TNR: variants seen among roughly 807,000 people sequenced by gnomAD.
TNR encodes the protein tenascin-R.
TNR carries 45 observed loss-of-function variants against 150.4 expected under a neutral mutation model. That is an observed-to-expected ratio of 0.30 (90% CI 0.24 to 0.38). The LOEUF (loss-of-function observed/expected upper bound fraction) is 0.38, where lower values mean the gene tolerates loss of function less well. Among genes scored for constraint, TNR ranks in the 10% least tolerant of loss-of-function variants. TNR has a pLI of 1.00. For synonymous variants in TNR, 687 were observed against 678.4 expected, an observed-to-expected ratio of 1.01 and a Z score of -0.20; for missense variants, 1,544 against 1,759.1, an observed-to-expected ratio of 0.88 and a Z score of 2.19.
At chr1:175,712,308 G>A (rs1195072189) in intron 1 of TNR, among the ~76,000 whole-genome samples, 1 of 152,140 alleles carries the variant, frequency 6.6e-6, no homozygotes, top group East Asian at 1.9e-4. Context: ...AAAAAATTGA[G>A]AATAACACCA....
At chr1:175,730,468 T>C (rs1457989673) in intron 1 of TNR, among the ~76,000 whole-genome samples, 1 of 152,206 alleles carries the variant, frequency 6.6e-6, no homozygotes, top group Non-Finnish European at 1.5e-5. Context: ...CAGGGAACCA[T>C]CTGTCACTCA....
intron 2 of TNR, among the ~76,000 whole-genome samples, chr1:175,478,143 T>A (rs1476033007): frequency 1.3e-5 from 2 of 152,210 alleles, no homozygotes; most frequent in Admixed American, 1.3e-4. Flanking sequence ...ATTGCTCTCT[T>A]GGATTTTTCA....
chr1:175,331,077 C>CTTTT (rs61033216), intron 20 of TNR, among the ~76,000 whole-genome samples: 2 of 94,186 alleles, frequency 2.1e-5, no homozygotes, highest in African/African-American at 3.7e-5. Context: ...TTCTTTCTTT[C>CTTTT]CTTCTTTCTT....
At chr1:175,379,139 A>C (rs1191393496) in intron 9 of TNR, among the ~76,000 whole-genome samples, 2 of 148,890 alleles carry the variant, frequency 1.3e-5, no homozygotes, top group African/African-American at 5.0e-5. Flanking sequence ...AGATCACACC[A>C]CTGCACTCCA....
intron 1 of TNR, among the ~76,000 whole-genome samples, chr1:175,540,931 C>A (rs1660478142): frequency 6.6e-6 from 1 of 152,078 alleles, no homozygotes; most frequent in Admixed American, 6.5e-5. Flanking sequence ...CAACCTGACC[C>A]CACTTATTTC....
intron 1 of TNR, among the ~76,000 whole-genome samples, chr1:175,633,363 G>C (rs946393993): frequency 6.6e-6 from 1 of 151,926 alleles, no homozygotes; most frequent in African/African-American, 2.4e-5. Context: ...CCCCCTTTGA[G>C]AGCCTATGTG....
chr1:175,584,809 G>C (rs571324761), intron 1 of TNR, among the ~76,000 whole-genome samples: 1 of 152,248 alleles, frequency 6.6e-6, no homozygotes, highest in African/African-American at 2.4e-5. Context: ...AAAAAGTTTG[G>C]TTTAATTTAT....
intron 1 of TNR, among the ~76,000 whole-genome samples, chr1:175,645,242 A>G (rs1042655942): frequency 3.9e-5 from 6 of 152,238 alleles, no homozygotes; most frequent in African/African-American, 1.2e-4. Flanking sequence ...TAAAACACAT[A>G]TATACATTAA....
At chr1:175,632,244 T>A (rs1558046196) in intron 1 of TNR, among the ~76,000 whole-genome samples, 1 of 152,210 alleles carries the variant, frequency 6.6e-6, no homozygotes, top group Non-Finnish European at 1.5e-5. Context: ...CAAAAGTACT[T>A]GGCAAATGTG....
chr1:175,337,194 C>A (rs991596784), intron 19 of TNR, among the ~76,000 whole-genome samples: 1 of 152,212 alleles, frequency 6.6e-6, no homozygotes, highest in African/African-American at 2.4e-5. Flanking sequence ...CTGCCCAGCA[C>A]CTCCACTGCT....
At chr1:175,615,778 T>G (rs1360904084) in intron 1 of TNR, among the ~76,000 whole-genome samples, 1 of 152,190 alleles carries the variant, frequency 6.6e-6, no homozygotes, top group East Asian at 1.9e-4. Context: ...TAAACACACT[T>G]ATTTACAGTC....
At chr1:175,706,510 C>G (rs1666845664) in intron 1 of TNR, among the ~76,000 whole-genome samples, 2 of 152,120 alleles carry the variant, frequency 1.3e-5, no homozygotes, top group African/African-American at 4.8e-5. Flanking sequence ...GCCACGTCCA[C>G]CCACTGGTCT....
At chr1:175,652,119 T>C (rs1665018029) in intron 1 of TNR, among the ~76,000 whole-genome samples, 1 of 148,126 alleles carries the variant, frequency 6.8e-6, no homozygotes, top group Non-Finnish European at 1.5e-5. Context: ...AGATTATGTA[T>C]AATACATTAT....
intron 2 of TNR, among the ~76,000 whole-genome samples, chr1:175,480,655 G>A (rs981821697): frequency 6.6e-6 from 1 of 152,112 alleles, no homozygotes; most frequent in African/African-American, 2.4e-5. Context: ...CGCTATGTGA[G>A]GATTTTAGAG....
chr1:175,564,443 TC>T (rs1366161029), intron 1 of TNR, among the ~76,000 whole-genome samples: 1 of 152,250 alleles, frequency 6.6e-6, no homozygotes, highest in African/African-American at 2.4e-5. Context: ...GAGTGGTGGT[TC>T]TTTATTAATC....
chr1:175,403,012 A>C (rs1653784862), intron 4 of TNR, 128 bp downstream of exon 4: 1 of 811,558 alleles, frequency 1.2e-6, no homozygotes, highest in Non-Finnish European at 2.0e-6. Flanking sequence ...AATGAGTACA[A>C]CTCAATTGAG....
chr1:175,539,575 G>A (rs1276906792), intron 1 of TNR, among the ~76,000 whole-genome samples: 1 of 152,188 alleles, frequency 6.6e-6, no homozygotes, highest in Non-Finnish European at 1.5e-5. Context: ...TCATGACCTA[G>A]GATCCATATC....
intron 1 of TNR, among the ~76,000 whole-genome samples, chr1:175,538,115 G>A (rs1299857390): frequency 6.6e-6 from 1 of 152,202 alleles, no homozygotes; most frequent in Non-Finnish European, 1.5e-5. Flanking sequence ...CAAGATGTCG[G>A]AAACCAGGCC....
intron 1 of TNR, among the ~76,000 whole-genome samples, chr1:175,542,222 C>T (rs1660528949): frequency 6.6e-6 from 1 of 152,170 alleles, no homozygotes; most frequent in African/African-American, 2.4e-5. Context: ...GCAGGCCCTC[C>T]CTCTCTCAGC....
Sources: gnomAD v4.1 joint callset for allele counts (sites outside exome capture counted in the v4.1 genomes callset) on GRCh38, gnomAD v4.1.1 for gene constraint, MANE v1.5 for transcripts, NCBI Gene and HGNC (gene_info 2026-07-23, HGNC 2026-07-21) for gene names.